The following SBF2 variants were observed in gnomAD, a reference collection of about 807,000 sequenced individuals.
The protein encoded by SBF2 is myotubularin-related protein 13.
In SBF2, 112 loss-of-function variants were observed where a neutral mutation model predicts 225.2. That is an observed-to-expected ratio of 0.50 (90% CI 0.43 to 0.58). SBF2 has a LOEUF of 0.58. Ranked by LOEUF, SBF2 falls within the 20% of genes least tolerant of loss-of-function variation. The pLI is 0.00. For missense variants in SBF2, 1,996 were observed against 2,206.2 expected (o/e 0.90, Z 1.91); for synonymous variants, 763 against 773.3 (o/e 0.99, Z 0.22).
intron 33 of SBF2, among the ~76,000 whole-genome samples, chr11:9,795,026 T>C (rs1372433623): frequency 6.6e-6 from 1 of 152,170 alleles, no homozygotes; most frequent in Admixed American, 6.5e-5. Context: ...ACTGAGTGCA[T>C]ATAATATATT....
At chr11:10,214,545 C>A (rs1435656202) in intron 1 of SBF2, among the ~76,000 whole-genome samples, 5 of 152,252 alleles carry the variant, frequency 3.3e-5, no homozygotes, top group African/African-American at 1.2e-4. Context: ...ATCGCTTGAA[C>A]CTAGGAGGCG....
Position 9,818,666 on chromosome 11 carries a change from C to T in SBF2, c.3794-1642G>A, listed in dbSNP as rs571481440. Among the ~76,000 whole-genome samples the T allele has an allele frequency of 3.9e-5, 6 of 152,266 alleles. No homozygotes were observed. In the East Asian group the frequency reaches 9.7e-4, roughly 24 times the overall value. On this transcript the variant is annotated intron_variant, in intron 28 of 39. Coordinates refer to ENST00000256190, the MANE Select transcript of SBF2 (RefSeq NM_030962.4). ...TTCTCTTTCTCTTTATAAGCATTTA[C>T]GGGGTCAGGAGACCAGTTCCCAAGA...
At chr11:10,050,970 A>G (rs1419520746) in intron 2 of SBF2, among the ~76,000 whole-genome samples, 2 of 152,060 alleles carry the variant, frequency 1.3e-5, no homozygotes, top group Non-Finnish European at 2.9e-5. Context: ...CAGCAGATCT[A>G]TTAAATGAGC....
intron 2 of SBF2, among the ~76,000 whole-genome samples, chr11:10,065,035 C>A (rs1338754540): frequency 8.6e-5 from 13 of 152,020 alleles, no homozygotes. Context: ...ACTAAGTAAG[C>A]CACAATAAAA....
intron 2 of SBF2, among the ~76,000 whole-genome samples, chr11:10,125,786 A>C (rs1953721276): frequency 1.3e-5 from 2 of 152,188 alleles, no homozygotes; most frequent in Admixed American, 1.3e-4. Flanking sequence ...ATGACTCTTT[A>C]ATTGTCCTCC....
chr11:10,038,830 A>G (rs908213857), intron 3 of SBF2, among the ~76,000 whole-genome samples: 2 of 151,926 alleles, frequency 1.3e-5, no homozygotes, highest in Admixed American at 6.6e-5. Context: ...AACATATGAA[A>G]TAACTTTAAA....
intron 2 of SBF2, among the ~76,000 whole-genome samples, chr11:10,154,567 G>GCCAT (rs1174356420): frequency 2.6e-5 from 4 of 152,076 alleles, no homozygotes. Context: ...ATTAAGCACA[G>GCCAT]CCATGTATGA....
chr11:10,200,021 G>C (rs1028225439), intron 1 of SBF2, among the ~76,000 whole-genome samples: 1 of 152,202 alleles, frequency 6.6e-6, no homozygotes, highest in African/African-American at 2.4e-5. Context: ...TGTAATCCCA[G>C]CAATTTGGGA....
chr11:10,196,866 A>ATATATATATATATATATATATTT, intron 1 of SBF2, among the ~76,000 whole-genome samples: 1 of 99,308 alleles, frequency 1.0e-5, no homozygotes, highest in Non-Finnish European at 2.0e-5. Flanking sequence ...ATATATATAT[A>ATATATATATATATATATATATTT]TTTTTTTTTT....
intron 2 of SBF2, among the ~76,000 whole-genome samples, chr11:10,084,443 G>C (rs916780384): frequency 6.6e-6 from 1 of 152,094 alleles, no homozygotes; most frequent in Non-Finnish European, 1.5e-5. Flanking sequence ...ATGTTGGTGA[G>C]GATACAAAGA....
At chr11:10,057,912 T>C (rs930236353) in intron 2 of SBF2, among the ~76,000 whole-genome samples, 2 of 152,096 alleles carry the variant, frequency 1.3e-5, no homozygotes, top group Non-Finnish European at 2.9e-5. Flanking sequence ...CTCACTAACA[T>C]ATCCCCCTCT....
rs766767627 is a variant in SBF2 at position 10,089,754 on chromosome 11, C to T, written c.142-46773G>A. ...TGGTCCACAAGCCTGGTCCACAAGCCAAACCAACACAAAACTAACGGCATT... is the reference window on the plus strand; with the variant it reads ...TGGTCCACAAGCCTGGTCCACAAGCTAAACCAACACAAAACTAACGGCATT... On this transcript the variant is annotated intron_variant, in intron 2 of 39. Coordinates refer to ENST00000256190, the MANE Select transcript of SBF2 (RefSeq NM_030962.4). Among the ~76,000 whole-genome samples, 4 of 152,048 alleles carry T rather than the reference C, an allele frequency of 2.6e-5. No homozygotes were observed. The South Asian group carries it at 6.2e-4, about 24-fold the overall frequency.
chr11:9,990,523 G>A (rs916322492), intron 12 of SBF2, among the ~76,000 whole-genome samples: 2 of 152,190 alleles, frequency 1.3e-5, no homozygotes, highest in African/African-American at 4.8e-5. Flanking sequence ...GCCAAAGAGG[G>A]TAGAATGAGA....
intron 2 of SBF2, among the ~76,000 whole-genome samples, chr11:10,163,394 T>C (rs1016260352): frequency 1.3e-5 from 2 of 152,198 alleles, no homozygotes; most frequent in Non-Finnish European, 2.9e-5. Context: ...TGAAGTCTCC[T>C]AGAACTGCTC....
chr11:10,297,702 A>C (rs1964560691), upstream of SBF2, among the ~76,000 whole-genome samples: 1 of 152,214 alleles, frequency 6.6e-6, no homozygotes, highest in African/African-American at 2.4e-5. Context: ...GGCATATTTC[A>C]TCTGTTACTG....
At chr11:9,891,851 G>C (rs1452346229) in intron 17 of SBF2, among the ~76,000 whole-genome samples, 2 of 152,180 alleles carry the variant, frequency 1.3e-5, no homozygotes, top group Non-Finnish European at 2.9e-5. Context: ...TTACAAGTGG[G>C]AAACCTTGAA....
At chr11:10,059,798 T>C (rs964737486) in intron 2 of SBF2, among the ~76,000 whole-genome samples, 1 of 152,094 alleles carries the variant, frequency 6.6e-6, no homozygotes, top group Admixed American at 6.6e-5. Context: ...AATAATGAAA[T>C]TGAGGCAGAA....
intron 6 of SBF2, among the ~76,000 whole-genome samples, chr11:10,014,521 AAAAAAAAC>A (rs954408619): frequency 4.0e-5 from 6 of 150,298 alleles, no homozygotes; most frequent in African/African-American, 7.3e-5. Flanking sequence ...AAAAAAAAAA[AAAAAAAAC>A]GAAAATGGAG....
At chr11:9,947,077 G>A (rs576691992) in intron 16 of SBF2, among the ~76,000 whole-genome samples, 2 of 152,270 alleles carry the variant, frequency 1.3e-5, no homozygotes, top group Admixed American at 6.5e-5. Flanking sequence ...TTTGCCAGCG[G>A]TTAATGAGAA....
Sources: gnomAD v4.1 joint callset for allele counts (sites outside exome capture counted in the v4.1 genomes callset) on GRCh38, gnomAD v4.1.1 for gene constraint, MANE v1.5 for transcripts, NCBI Gene and HGNC (gene_info 2026-07-23, HGNC 2026-07-21) for gene names.